SUSD3: variants seen among roughly 807,000 people sequenced by gnomAD.
SUSD3 encodes the protein sushi domain containing 3, also known as sushi domain-containing protein 3.
SUSD3 carries 18 observed loss-of-function variants against 20.6 expected under a neutral mutation model. That is an observed-to-expected ratio of 0.87 (90% CI 0.60 to 1.30). The LOEUF (loss-of-function observed/expected upper bound fraction) is 1.30. Among genes scored for constraint, SUSD3 ranks in the 50% most tolerant of loss-of-function variants. The pLI is 0.00. For missense variants in SUSD3, 306 were observed against 346.9 expected (o/e 0.88, Z 0.94); for synonymous variants, 137 against 141.5 (o/e 0.97, Z 0.23).
At chr9:93,061,226 G>A (rs1825494234) in intron 1 of SUSD3, among the ~76,000 whole-genome samples, 1 of 152,242 alleles carries the variant, frequency 6.6e-6, no homozygotes, top group South Asian at 2.1e-4. Flanking sequence ...GTAGCAGGAG[G>A]CATGCTCTGC....
chr9:93,072,036 T>A (rs1181278275), intron 1 of SUSD3, among the ~76,000 whole-genome samples: 1 of 152,022 alleles, frequency 6.6e-6, no homozygotes, highest in Non-Finnish European at 1.5e-5. Flanking sequence ...AGTTTCCCCA[T>A]CTGTAAGGTA....
chr9:93,079,556 C>G lies in SUSD3; in HGVS notation c.511C>G (p.Pro171Ala). 6.2e-7 allele frequency: 1 copy of G among 1,614,092 alleles called. No homozygotes were observed. The highest frequency in any genetic ancestry group is 2.2e-5 in the East Asian group (1 of 44,876). ...AYLGLKHFNK[P>A]VSGPSQAHDN... Reference sequence around the variant, plus strand: ...CCTTGGCCTCAAGCACTTCAACAAACCCGTGAGCGGGCCCAGCCAGGCGCA... The same window carrying G: ...CCTTGGCCTCAAGCACTTCAACAAAGCCGTGAGCGGGCCCAGCCAGGCGCA... The change falls in exon 4 of 5, where the codon CCC (proline) becomes GCC (alanine). Residue 171 changes from proline (P) to alanine (A), a missense_variant. Physicochemically the swap from Pro to Ala is conservative, Grantham distance 27. Transcript: ENST00000375472.
At chr9:93,081,346 G>C (rs1425979677) in intron 4 of SUSD3, among the ~76,000 whole-genome samples, 1 of 152,146 alleles carries the variant, frequency 6.6e-6, no homozygotes, top group African/African-American at 2.4e-5. Context: ...AGGCCCTCCT[G>C]CTGGAGTCTT....
intron 1 of SUSD3, among the ~76,000 whole-genome samples, chr9:93,059,206 C>T (rs1322760059): frequency 6.6e-6 from 1 of 151,352 alleles, no homozygotes; most frequent in Non-Finnish European, 1.5e-5. Flanking sequence ...GGGCGGGTGG[C>T]GCGGGGGCGG....
rs375798822 is a variant in SUSD3 at position 93,079,901 on chromosome 9, G to A, written c.557+299G>A. On this transcript the variant is annotated intron_variant, in intron 4 of 4. Transcript: ENST00000375472. ...GTTCCCTCCACCTACACCCAGCAGG[G>A]CTCTGCACTGAGCTGCAGTCACTTG... Among the ~76,000 whole-genome samples the A allele has an allele frequency of 2.4e-4, 37 of 152,276 alleles. No individual in the cohort carries two copies. In the South Asian group the frequency reaches 6.6e-3, roughly 27 times the overall value.
intron 3 of SUSD3, 137 bp from the exon 4 acceptor site, chr9:93,079,334 C>T (rs1826305295): frequency 8.8e-6 from 8 of 913,516 alleles, no homozygotes; most frequent in Non-Finnish European, 1.3e-5. Context: ...AAAACATCCA[C>T]TGCCCAGCTC....
At chr9:93,065,443 C>T (rs1360817152) in intron 1 of SUSD3, among the ~76,000 whole-genome samples, 1 of 152,266 alleles carries the variant, frequency 6.6e-6, no homozygotes, top group Non-Finnish European at 1.5e-5. Flanking sequence ...GCCAACCTCT[C>T]CTCCCATCCG....
intron 4 of SUSD3, among the ~76,000 whole-genome samples, chr9:93,081,647 GT>G (rs1826418317): frequency 6.6e-6 from 1 of 152,160 alleles, no homozygotes; most frequent in East Asian, 1.9e-4. Flanking sequence ...ACCGTGCTGG[GT>G]CTGGCCAACA....
chr9:93,078,062 A>T (rs4077811), intron 3 of SUSD3, 69 bp downstream of exon 3: 203 of 1,605,076 alleles, frequency 1.3e-4, no homozygotes, highest in Non-Finnish European at 1.7e-4. Flanking sequence ...GGAGGAAAGG[A>T]CAGAGTGTTT....
Position 93,058,769 on chromosome 9 carries a change from T to C in SUSD3, c.27T>C (p.Arg9=). The change falls in exon 1 of 5, where the codon CGT becomes CGC. Residue 9 remains arginine (R), a synonymous_variant. Transcript: ENST00000375472. ...TGCGCTGGGCGGCCGCCACCCTCCG[T>C]GGCAAGGCGAGGCCCCGGGGGCGGG... MRWAAATL[R]GKARPRGRAG... The C allele has an allele frequency of 1.6e-6, 2 of 1,236,576 alleles. No homozygotes were observed. Among genetic ancestry groups the C allele is most frequent in the Non-Finnish European group, 2.0e-6 (2 of 990,122 alleles). 76.6% of individuals were successfully genotyped at this position (1,236,576 alleles called of 1,614,324 possible). A position where few individuals can be genotyped will look rare whatever the true frequency, so the allele number is the denominator to read the frequency against.
intron 3 of SUSD3, among the ~76,000 whole-genome samples, chr9:93,079,039 T>A (rs926499185): frequency 6.6e-6 from 1 of 151,674 alleles, no homozygotes; most frequent in Non-Finnish European, 1.5e-5. Flanking sequence ...CCTGACCTCA[T>A]GATCCACCTG....
At chr9:93,061,930 A>T (rs575451909) in intron 1 of SUSD3, among the ~76,000 whole-genome samples, 1 of 152,350 alleles carries the variant, frequency 6.6e-6, no homozygotes, top group East Asian at 1.9e-4. Flanking sequence ...AAGGGAACAT[A>T]GTTACTTAAT....
intron 1 of SUSD3, among the ~76,000 whole-genome samples, chr9:93,059,871 G>T (rs1825439967): frequency 6.6e-6 from 1 of 152,234 alleles, no homozygotes; most frequent in South Asian, 2.1e-4. Flanking sequence ...TGTTCCTGGC[G>T]CTGGTGGATT....
At chr9:93,074,793 T>G (rs1033358497) in intron 1 of SUSD3, among the ~76,000 whole-genome samples, 1 of 151,926 alleles carries the variant, frequency 6.6e-6, no homozygotes, top group African/African-American at 2.4e-5. Context: ...TTTTGTATTT[T>G]TAGTAGAGAT....
chr9:93,077,629 C>T (rs1258512881), intron 2 of SUSD3, among the ~76,000 whole-genome samples: 2 of 152,144 alleles, frequency 1.3e-5, no homozygotes, highest in African/African-American at 4.8e-5. Context: ...GGAGAGTCTT[C>T]TCTGATAGTC....
intron 4 of SUSD3, 126 bp downstream of exon 4, chr9:93,079,728 C>G: frequency 1.0e-6 from 1 of 956,664 alleles, no homozygotes; most frequent in South Asian, 1.6e-5. Flanking sequence ...CCACCCAGAA[C>G]CTTAACTCCC....
chr9:93,060,127 A>G (rs1386142269), intron 1 of SUSD3, among the ~76,000 whole-genome samples: 3 of 152,136 alleles, frequency 2.0e-5, no homozygotes, highest in Non-Finnish European at 4.4e-5. Context: ...TTTGCATACA[A>G]AAGGCTGTTT....
intron 1 of SUSD3, 22 bp downstream of exon 1, chr9:93,058,852 C>A: frequency 8.0e-7 from 1 of 1,243,246 alleles, no homozygotes; most frequent in Non-Finnish European, 1.0e-6. Flanking sequence ...GGCCGAGTGG[C>A]CGCGTGCGGG....
rs1261765552 is a variant in SUSD3 at position 93,075,781 on chromosome 9, CA to C, written c.89-2del. On this transcript the variant is annotated splice_acceptor_variant, in intron 1 of 4. Coordinates refer to ENST00000375472, the MANE Select transcript of SUSD3 (RefSeq NM_145006.4). LOFTEE classifies it high-confidence loss of function. Reference sequence around the variant, plus strand: ...CATGCCTCATACCTGCCTGTCTCCCCAGGCACGTGCGCTAAGCTGCGGCTAC... The same window carrying C: ...CATGCCTCATACCTGCCTGTCTCCCCGGCACGTGCGCTAAGCTGCGGCTAC... The C allele has an allele frequency of 6.5e-7, 1 of 1,545,158 alleles. No individual in the cohort carries two copies. The highest frequency in any genetic ancestry group is 1.1e-5 in the South Asian group (1 of 89,950).
Sources: gnomAD v4.1 joint callset for allele counts (sites outside exome capture counted in the v4.1 genomes callset) on GRCh38, gnomAD v4.1.1 for gene constraint, MANE v1.5 for transcripts, NCBI Gene and HGNC (gene_info 2026-07-23, HGNC 2026-07-21) for gene names.